Variants in ADGRV1 observed in about 807,000 individuals in gnomAD.
ADGRV1 encodes the protein adhesion G protein-coupled receptor V1, also known as G-protein coupled receptor 98.
In ADGRV1, 359 loss-of-function variants were observed where a neutral mutation model predicts 596.2. The observed-to-expected ratio is 0.60, with a 90% CI of 0.55 to 0.66. The LOEUF is 0.66. Ranked by LOEUF, ADGRV1 falls within the 30% of genes least tolerant of loss-of-function variation. The pLI, the probability that ADGRV1 is intolerant of heterozygous loss-of-function variation, is 0.00. For missense variants in ADGRV1, 7,274 were observed against 7,575.6 expected (o/e 0.96, Z 1.48); for synonymous variants, 2,681 against 2,679.2 (o/e 1.00, Z -0.02).
At chr5:91,087,443 T>C (rs1254474733) in intron 86 of ADGRV1, among the ~76,000 whole-genome samples, 1 of 151,070 alleles carries the variant, frequency 6.6e-6, no homozygotes, top group Non-Finnish European at 1.5e-5. Context: ...ACTGCAGGCA[T>C]GCACCACTGT....
At chr5:91,146,677 C>T (rs34475521) in intron 87 of ADGRV1, among the ~76,000 whole-genome samples, 1 of 152,066 alleles carries the variant, frequency 6.6e-6, no homozygotes, top group Non-Finnish European at 1.5e-5. Context: ...ACTATTAGTA[C>T]CCCAGTTTCA....
At chr5:90,957,614 CTATA>C (rs1056035982) in intron 83 of ADGRV1, among the ~76,000 whole-genome samples, 1 of 146,662 alleles carries the variant, frequency 6.8e-6, no homozygotes, top group East Asian at 2.0e-4. Context: ...TATATTTTAA[CTATA>C]TATGTTATAT....
chr5:90,618,064 C>A, intron 3 of ADGRV1, 111 bp downstream of exon 3: 1 of 711,456 alleles, frequency 1.4e-6, no homozygotes, highest in Non-Finnish European at 2.2e-6. Flanking sequence ...ATTCAGATAA[C>A]TGGTGGTGGT....
intron 55 of ADGRV1, among the ~76,000 whole-genome samples, chr5:90,755,634 G>T (rs2149976865): frequency 6.6e-6 from 1 of 151,830 alleles, no homozygotes; most frequent in East Asian, 1.9e-4. Context: ...TCTGGTTTTA[G>T]CTATCTGTAT....
intron 27 of ADGRV1, among the ~76,000 whole-genome samples, chr5:90,682,049 A>G (rs1745017260): frequency 6.6e-6 from 1 of 152,056 alleles, no homozygotes; most frequent in Non-Finnish European, 1.5e-5. Flanking sequence ...TATTTTTAGT[A>G]GAGACGGGGT....
chr5:90,846,908 A>G (rs9764492), intron 78 of ADGRV1, among the ~76,000 whole-genome samples: 14,207 of 152,142 alleles, frequency 0.093, 1,619 homozygotes, highest in African/African-American at 0.27. Context: ...TGACTGGTGC[A>G]TTTATAATCC....
chr5:91,024,814 A>G (rs1356647322), intron 85 of ADGRV1, among the ~76,000 whole-genome samples: 1 of 152,164 alleles, frequency 6.6e-6, no homozygotes, highest in Non-Finnish European at 1.5e-5. Context: ...TAAGTGACAC[A>G]TGAGACAATT....
intron 87 of ADGRV1, among the ~76,000 whole-genome samples, chr5:91,127,784 A>G (rs1793894648): frequency 6.6e-6 from 1 of 152,110 alleles, no homozygotes; most frequent in Non-Finnish European, 1.5e-5. Flanking sequence ...TTTTCATAAT[A>G]CAAATTTGGG....
chr5:90,615,873 T>G (rs1327281274), intron 2 of ADGRV1, among the ~76,000 whole-genome samples: 1 of 152,040 alleles, frequency 6.6e-6, no homozygotes, highest in Non-Finnish European at 1.5e-5. Context: ...ACAACTTTTC[T>G]TAATGGTGTT....
chr5:90,837,962 T>A (rs1004437731), intron 77 of ADGRV1, among the ~76,000 whole-genome samples: 1 of 152,142 alleles, frequency 6.6e-6, no homozygotes, highest in African/African-American at 2.4e-5. Flanking sequence ...TTTTAAGTAG[T>A]TCTATTCTTA....
In ADGRV1 at chr5:90,651,584, CT is replaced by C; in HGVS notation, c.3290-16del. On this transcript the variant is annotated intron_variant, in intron 17 of 89. Coordinates refer to ENST00000405460, the MANE Select transcript of ADGRV1 (RefSeq NM_032119.4). The stretch of plus-strand genomic sequence containing the variant: ...GTTAGCTACTTCTTTGTTATTTTGT[CT>C]TTTCCACTTTTAATTTAGGTGATAC... The C allele has an allele frequency of 2.1e-6, 3 of 1,430,728 alleles. No individual in the cohort carries two copies. The highest frequency in any genetic ancestry group is 2.8e-6 in the Non-Finnish European group (3 of 1,056,212). The allele number at this position is 1,430,728 out of a possible 1,614,324, so 88.6% of individuals were successfully genotyped here. A position where few individuals can be genotyped will look rare whatever the true frequency, so the allele number is the denominator to read the frequency against.
chr5:90,567,018 A>AT (rs1755723473), intron 1 of ADGRV1, among the ~76,000 whole-genome samples: 2 of 151,870 alleles, frequency 1.3e-5, no homozygotes, highest in African/African-American at 2.4e-5. Context: ...AAAGATGTTG[A>AT]TTTTTTTCAA....
chr5:90,732,077 T>C (rs1752621244), intron 50 of ADGRV1, among the ~76,000 whole-genome samples: 1 of 152,172 alleles, frequency 6.6e-6, no homozygotes, highest in South Asian at 2.1e-4. Context: ...CATAGCTTAC[T>C]GCAGCCTTGA....
intron 59 of ADGRV1, among the ~76,000 whole-genome samples, chr5:90,772,055 ATATGATATGAAGAGCT>A (rs1276613093): frequency 2.0e-5 from 3 of 152,188 alleles, no homozygotes; most frequent in African/African-American, 7.2e-5. Flanking sequence ...AATGAAGAGC[ATATGATATGAAGAGCT>A]GCCTTACATA....
intron 21 of ADGRV1, among the ~76,000 whole-genome samples, chr5:90,658,529 G>A (rs1211784280): frequency 6.6e-6 from 1 of 152,176 alleles, no homozygotes; most frequent in Non-Finnish European, 1.5e-5. Flanking sequence ...TCGCCTGAAA[G>A]TTAATGCTCT....
rs1299895179 is a variant in ADGRV1 at position 90,791,310 on chromosome 5, C to T, written c.14481C>T (p.Ala4827=). The change falls in exon 70 of 90, where the codon GCC becomes GCT. Residue 4827 remains alanine, a synonymous_variant. Coordinates refer to ENST00000405460, the MANE Select transcript of ADGRV1 (RefSeq NM_032119.4). ...GGCAGCTGGTGGTCAAAGATGGTGC[C>T]ACATATAAAGTGGACGTGGTGCCAA... ...AERQLVVKDG[A]TYKVDVVPIK... 3.2e-6 allele frequency: 5 copies of T among 1,587,134 alleles called. No individual in the cohort carries two copies. The highest frequency in any genetic ancestry group is 4.3e-6 in the Non-Finnish European group (5 of 1,166,040).
In ADGRV1 at chr5:90,696,919, C is replaced by G; in HGVS notation, c.7946-18C>G. ...TGATTTTGTTACTTTGGTTTTTATT[C>G]CATTGATGTTTTTATAGGTGAAACC... On this transcript the variant is annotated intron_variant, in intron 33 of 89. Coordinates refer to ENST00000405460, the MANE Select transcript of ADGRV1 (RefSeq NM_032119.4). 6.3e-7 allele frequency: 1 copy of G among 1,586,854 alleles called. No homozygotes were observed. Among genetic ancestry groups the G allele is most frequent in the African/African-American group, 1.3e-5 (1 of 74,350 alleles).
intron 83 of ADGRV1, among the ~76,000 whole-genome samples, chr5:90,955,010 C>T (rs950616500): frequency 6.6e-5 from 10 of 151,862 alleles, no homozygotes; most frequent in African/African-American, 2.2e-4. Context: ...CCCTCATGAC[C>T]GAGATTTGTG....
chr5:91,159,266 C>A (rs895011970), intron 89 of ADGRV1, among the ~76,000 whole-genome samples: 8 of 152,156 alleles, frequency 5.3e-5, no homozygotes, highest in Non-Finnish European at 1.0e-4. Flanking sequence ...TCTTTACAAG[C>A]ATTTACAAAT....
Sources: allele counts gnomAD v4.1 joint callset (sites outside exome capture counted in the v4.1 genomes callset), GRCh38; gene constraint gnomAD v4.1.1; transcripts MANE v1.5; gene names NCBI Gene and HGNC (gene_info 2026-07-23, HGNC 2026-07-21).